SPOCK1: variants seen among roughly 807,000 people sequenced by gnomAD.
SPOCK1 encodes testican-1.
SPOCK1 carries 23 observed loss-of-function variants against 55.3 expected under a neutral mutation model. The ratio of observed to expected loss-of-function variants is 0.42; its 90% CI spans 0.30 to 0.59. The LOEUF (loss-of-function observed/expected upper bound fraction) is 0.59. Among genes scored for constraint, SPOCK1 ranks in the 20% least tolerant of loss-of-function variants. SPOCK1 has a pLI of 0.22. For missense variants in SPOCK1, 499 were observed against 552.5 expected (o/e 0.90, Z 0.97); for synonymous variants, 226 against 221.0 (o/e 1.02, Z -0.20).
chr5:137,265,476 G>C (rs572717081), intron 3 of SPOCK1, among the ~76,000 whole-genome samples: 1 of 152,334 alleles, frequency 6.6e-6, no homozygotes, highest in South Asian at 2.1e-4. Context: ...ATCAGGCACA[G>C]ACAGGGAATT....
chr5:137,469,446 T>C (rs1052174101), intron 2 of SPOCK1, among the ~76,000 whole-genome samples: 1 of 152,184 alleles, frequency 6.6e-6, no homozygotes, highest in Non-Finnish European at 1.5e-5. Context: ...AAAGTTGTTT[T>C]TTTTTTAAGG....
intron 2 of SPOCK1, among the ~76,000 whole-genome samples, chr5:137,413,147 A>G (rs1752245167): frequency 1.3e-5 from 2 of 152,248 alleles, no homozygotes; most frequent in African/African-American, 4.8e-5. Flanking sequence ...AAATGAGGAC[A>G]GTAGCTCAAA....
chr5:137,442,235 G>C (rs1402904751), intron 2 of SPOCK1, among the ~76,000 whole-genome samples: 1 of 152,190 alleles, frequency 6.6e-6, no homozygotes, highest in Non-Finnish European at 1.5e-5. Flanking sequence ...AAACAGTCAT[G>C]CTAGCCCTTA....
intron 2 of SPOCK1, among the ~76,000 whole-genome samples, chr5:137,340,880 CAA>C (rs553671622): frequency 4.5e-4 from 43 of 94,904 alleles, no homozygotes; most frequent in Admixed American, 5.5e-4. Context: ...GATTCCATCT[CAA>C]AAAAAAAAAA....
intron 5 of SPOCK1, among the ~76,000 whole-genome samples, chr5:137,098,118 G>T (rs1397684993): frequency 6.6e-6 from 1 of 152,216 alleles, no homozygotes; most frequent in African/African-American, 2.4e-5. Flanking sequence ...ACTGTTCGAT[G>T]AATTTAATAT....
At chr5:137,169,599 GT>G (rs1754710080) in intron 3 of SPOCK1, among the ~76,000 whole-genome samples, 1 of 152,144 alleles carries the variant, frequency 6.6e-6, no homozygotes, top group South Asian at 2.1e-4. Flanking sequence ...AAGACTACAA[GT>G]TAATTAACTG....
At chr5:137,243,230 A>G (rs1171121600) in intron 3 of SPOCK1, among the ~76,000 whole-genome samples, 1 of 152,298 alleles carries the variant, frequency 6.6e-6, no homozygotes, top group East Asian at 1.9e-4. Context: ...CTTAACAGCT[A>G]ATACCTGGGG....
chr5:137,497,364 C>T (rs537022569), intron 2 of SPOCK1, among the ~76,000 whole-genome samples: 3 of 152,332 alleles, frequency 2.0e-5, no homozygotes, highest in South Asian at 4.1e-4. Flanking sequence ...AACATTAAAG[C>T]TTTTCTCTTT....
At chr5:137,197,685 G>A (rs187454224) in intron 3 of SPOCK1, among the ~76,000 whole-genome samples, 56 of 152,082 alleles carry the variant, frequency 3.7e-4, no homozygotes, top group African/African-American at 1.3e-3. Context: ...TAATTGAGAC[G>A]TAATGTGGAA....
intron 5 of SPOCK1, among the ~76,000 whole-genome samples, chr5:137,107,403 G>A (rs1007883401): frequency 6.6e-6 from 1 of 152,200 alleles, no homozygotes; most frequent in African/African-American, 2.4e-5. Context: ...TGGAAGCCAA[G>A]CGAAGGGTCA....
chr5:137,460,707 G>A (rs1753469123), intron 2 of SPOCK1, among the ~76,000 whole-genome samples: 1 of 152,112 alleles, frequency 6.6e-6, no homozygotes, highest in Non-Finnish European at 1.5e-5. Context: ...ACATCAAATA[G>A]AATCCAATTC....
At chr5:137,093,658 T>C (rs980410482) in intron 5 of SPOCK1, among the ~76,000 whole-genome samples, 1 of 152,130 alleles carries the variant, frequency 6.6e-6, no homozygotes, top group Non-Finnish European at 1.5e-5. Context: ...GGAGATAACC[T>C]TCCAGCTAAG....
chr5:137,418,732 T>G (rs976224327), intron 2 of SPOCK1, among the ~76,000 whole-genome samples: 3 of 152,204 alleles, frequency 2.0e-5, no homozygotes, highest in Non-Finnish European at 2.9e-5. Context: ...TTGCAAAAAT[T>G]TTCTCCCATT....
At chr5:137,026,940 T>C (rs1384966805) in intron 6 of SPOCK1, among the ~76,000 whole-genome samples, 2 of 152,260 alleles carry the variant, frequency 1.3e-5, no homozygotes, top group Non-Finnish European at 2.9e-5. Flanking sequence ...ATCTAGGCTC[T>C]GATTCACCTG....
At chr5:137,446,626 G>A (rs1394911229) in intron 2 of SPOCK1, among the ~76,000 whole-genome samples, 2 of 152,196 alleles carry the variant, frequency 1.3e-5, no homozygotes, top group African/African-American at 4.8e-5. Context: ...ACATGGCTTA[G>A]AAACTAGAAA....
In SPOCK1 at chr5:136,988,534, G is replaced by C; in HGVS notation, c.816C>G (p.Ile272Met). The change falls in exon 8 of 11, where the codon ATC (isoleucine) becomes ATG (methionine). Residue 272 changes from isoleucine (I) to methionine (M), a missense_variant. Transcript: ENST00000394945. ...LLLDPSEINA[I>M]YLDKYEPCIK... is the part of the protein sequence containing the mutation. ...TACAGGGCTCGTACTTATCCAGGTA[G>C]ATGGCATTGATCTCTGAAGGGTCAA... 1 of 1,614,172 alleles carries C rather than the reference G, an allele frequency of 6.2e-7. No homozygotes were observed. The highest frequency in any genetic ancestry group is 8.5e-7 in the Non-Finnish European group (1 of 1,180,010).
At chr5:137,193,655 A>G (rs1370454065) in intron 3 of SPOCK1, among the ~76,000 whole-genome samples, 1 of 152,234 alleles carries the variant, frequency 6.6e-6, no homozygotes, top group Non-Finnish European at 1.5e-5. Context: ...TGGAAAGGGT[A>G]GAGCTGAAGC....
chr5:137,365,251 GC>G (rs1751033385), intron 2 of SPOCK1: 1 of 152,294 alleles, frequency 6.6e-6, no homozygotes, highest in South Asian at 2.1e-4. Context: ...GAGAGCCCCA[GC>G]CATTCTGTCC....
At chr5:137,484,592 C>G (rs1754014942) in intron 2 of SPOCK1, among the ~76,000 whole-genome samples, 1 of 152,326 alleles carries the variant, frequency 6.6e-6, no homozygotes, top group South Asian at 2.1e-4. Context: ...AACACATATT[C>G]TACAGTTCCA....
Sources: allele counts gnomAD v4.1 joint callset (sites outside exome capture counted in the v4.1 genomes callset), GRCh38; gene constraint gnomAD v4.1.1; transcripts MANE v1.5; gene names NCBI Gene and HGNC (gene_info 2026-07-23, HGNC 2026-07-21).